HMGB1: variants seen among roughly 807,000 people sequenced by gnomAD.
HMGB1 encodes the protein high mobility group protein B1.
For missense variants in HMGB1, 79 were observed against 253.5 expected, an observed-to-expected ratio of 0.31 and a Z score of 4.67; for synonymous variants, 81 against 84.0, an observed-to-expected ratio of 0.96 and a Z score of 0.19.
chr13:30,535,470 C>T (rs1354737627), intron 1 of HMGB1, among the ~76,000 whole-genome samples: 2 of 152,212 alleles, frequency 1.3e-5, no homozygotes, highest in African/African-American at 4.8e-5. Flanking sequence ...AACATCTTTT[C>T]CTCCATGCTT....
At chr13:30,569,061 G>A (rs887821248) in intron 1 of HMGB1, among the ~76,000 whole-genome samples, 4 of 152,148 alleles carry the variant, frequency 2.6e-5, no homozygotes, top group African/African-American at 9.6e-5. Context: ...TGTAATCCCA[G>A]TTACTCAGGA....
At chr13:30,612,019 A>G (rs1377094378) in intron 1 of HMGB1, among the ~76,000 whole-genome samples, 1 of 152,182 alleles carries the variant, frequency 6.6e-6, no homozygotes, top group African/African-American at 2.4e-5. Flanking sequence ...ATTGGGAGCC[A>G]CCAAGATAAC....
intron 1 of HMGB1, among the ~76,000 whole-genome samples, chr13:30,527,233 C>T (rs557222019): frequency 6.6e-6 from 1 of 152,184 alleles, no homozygotes; most frequent in African/African-American, 2.4e-5. Context: ...AGTTGCTGGG[C>T]CTAGGACTTA....
At chr13:30,597,568 A>G (rs973186527) in intron 1 of HMGB1, among the ~76,000 whole-genome samples, 6 of 152,218 alleles carry the variant, frequency 3.9e-5, no homozygotes, top group Non-Finnish European at 8.8e-5. Flanking sequence ...GAAATGCTAC[A>G]AATGTTTGGG....
intron 1 of HMGB1, among the ~76,000 whole-genome samples, chr13:30,575,030 T>A (rs1053125030): frequency 2.0e-5 from 3 of 152,236 alleles, no homozygotes; most frequent in Non-Finnish European, 2.9e-5. Flanking sequence ...AATTGATATA[T>A]TAAAATCTAC....
At chr13:30,554,708 G>A in intron 1 of HMGB1, 1 of 770,346 alleles carries the variant, frequency 1.3e-6, no homozygotes, top group Non-Finnish European at 2.4e-6. Flanking sequence ...ATGCTCTACG[G>A]AAACATATTC....
At chr13:30,505,056 T>C (rs532288950) in intron 1 of HMGB1, among the ~76,000 whole-genome samples, 44 of 150,142 alleles carry the variant, frequency 2.9e-4, no homozygotes, top group African/African-American at 1.0e-3. Flanking sequence ...CTGCAACCTC[T>C]GCCTCCCGGG....
intron 1 of HMGB1, among the ~76,000 whole-genome samples, chr13:30,555,755 T>C (rs1471596659): frequency 6.6e-6 from 1 of 152,256 alleles, no homozygotes; most frequent in Non-Finnish European, 1.5e-5. Context: ...TAGATATCAA[T>C]ATCTCATTGG....
At chr13:30,583,587 T>C (rs1406849826) in intron 1 of HMGB1, among the ~76,000 whole-genome samples, 2 of 138,492 alleles carry the variant, frequency 1.4e-5, no homozygotes, top group Non-Finnish European at 3.1e-5. Flanking sequence ...TGTAATCCCA[T>C]CACTTTGGGA....
rs919447280 is a variant in HMGB1 at position 30,461,210 on chromosome 13, T to C, written c.*147A>G. ...TCTAAAGACACATTCGGTAGTGTGTTAACTATACAAAAAAAGACACTGTAC... is the reference window on the plus strand; with the variant it reads ...TCTAAAGACACATTCGGTAGTGTGTCAACTATACAAAAAAAGACACTGTAC... On this transcript the variant is annotated 3_prime_UTR_variant, in exon 5 of 5. Coordinates refer to ENST00000341423, the MANE Select transcript of HMGB1 (RefSeq NM_002128.7). 15 of 1,122,376 alleles carry C rather than the reference T, an allele frequency of 1.3e-5. No individual in the cohort carries two copies. The highest frequency in any genetic ancestry group is 1.9e-5 in the Non-Finnish European group (15 of 807,160). The allele number at this position is 1,122,376 out of a possible 1,614,324, so 69.5% of individuals were successfully genotyped here. A position where few individuals can be genotyped will look rare whatever the true frequency, so the allele number is the denominator to read the frequency against.
At chr13:30,609,133 G>A (rs764222178) in intron 1 of HMGB1, among the ~76,000 whole-genome samples, 2 of 152,126 alleles carry the variant, frequency 1.3e-5, no homozygotes, top group Non-Finnish European at 2.9e-5. Flanking sequence ...CGTAGTGGTG[G>A]GAGCCTGTAG....
At chr13:30,582,091 A>C (rs114577644) in intron 1 of HMGB1, among the ~76,000 whole-genome samples, 2 of 152,178 alleles carry the variant, frequency 1.3e-5, no homozygotes, top group Non-Finnish European at 2.9e-5. Flanking sequence ...ACAAGACATC[A>C]GTCAAAGATA....
At chr13:30,474,527 G>T (rs1208171740) in intron 1 of HMGB1, among the ~76,000 whole-genome samples, 2 of 152,212 alleles carry the variant, frequency 1.3e-5, no homozygotes, top group African/African-American at 4.8e-5. Context: ...GCCATGAAGG[G>T]TTAGGACTGA....
At chr13:30,538,831 T>C (rs951818556) in intron 1 of HMGB1, among the ~76,000 whole-genome samples, 1 of 151,166 alleles carries the variant, frequency 6.6e-6, no homozygotes, top group African/African-American at 2.4e-5. Context: ...CTTTCTTTTT[T>C]CTTTTTTTCG....
rs376574234 is a variant in HMGB1 at position 30,526,210 on chromosome 13, CCAT to C, written c.-14-62519_-14-62517del. On this transcript the variant is annotated intron_variant, in intron 1 of 4. Transcript: ENST00000405805. ...TAGCTGGGATTACAGGCATGCACCACCATGTCTGGCTCATTTTTCTATTTTTAG... is the reference window on the plus strand; with the variant it reads ...TAGCTGGGATTACAGGCATGCACCACGTCTGGCTCATTTTTCTATTTTTAG... Among the ~76,000 whole-genome samples the C allele has an allele frequency of 3.7e-3, 557 of 152,230 alleles. 6 individuals are homozygous for C. The highest frequency in any genetic ancestry group is 0.012 in the African/African-American group (504 of 41,532).
intron 1 of HMGB1, among the ~76,000 whole-genome samples, chr13:30,475,138 CTT>C (rs71093064): frequency 1.4e-3 from 36 of 26,064 alleles, no homozygotes; most frequent in African/African-American, 4.6e-3. Flanking sequence ...CTCTCTCTCT[CTT>C]TTTTTTTTTT....
intron 1 of HMGB1, among the ~76,000 whole-genome samples, chr13:30,595,535 T>C (rs550808931): frequency 6.6e-6 from 1 of 152,358 alleles, no homozygotes; most frequent in South Asian, 2.1e-4. Flanking sequence ...CTGCGTAGCA[T>C]ATTTCCTTAA....
chr13:30,543,989 A>C (rs1310071150), intron 1 of HMGB1, among the ~76,000 whole-genome samples: 1 of 152,238 alleles, frequency 6.6e-6, no homozygotes, highest in Non-Finnish European at 1.5e-5. Flanking sequence ...TCAAACCTCC[A>C]TTCAGAGCTT....
At chr13:30,475,890 C>T (rs1887085034) in intron 1 of HMGB1, among the ~76,000 whole-genome samples, 1 of 152,088 alleles carries the variant, frequency 6.6e-6, no homozygotes, top group African/African-American at 2.4e-5. Context: ...TACCACAGTC[C>T]CCGCCATTCC....
Sources: allele counts gnomAD v4.1 joint callset (sites outside exome capture counted in the v4.1 genomes callset), GRCh38; gene constraint gnomAD v4.1.1; transcripts MANE v1.5; gene names NCBI Gene and HGNC (gene_info 2026-07-23, HGNC 2026-07-21).